KCNMA1: variants seen among roughly 807,000 people sequenced by gnomAD.
KCNMA1 encodes Calcium-activated potassium channel subunit alpha-1.
In KCNMA1, 29 loss-of-function variants were observed where a neutral mutation model predicts 140.0. The ratio of observed to expected loss-of-function variants is 0.21; its 90% confidence interval spans 0.15 to 0.28. The LOEUF (loss-of-function observed/expected upper bound fraction) is 0.28, where lower values mean the gene tolerates loss of function less well. Among genes scored for constraint, KCNMA1 ranks in the 10% least tolerant of loss-of-function variants. The pLI, the probability that KCNMA1 is intolerant of heterozygous loss-of-function variation, is 1.00. For missense variants in KCNMA1, 880 were observed against 1,602.2 expected, an observed-to-expected ratio of 0.55 and a Z score of 7.70; for synonymous variants, 612 against 611.9, an observed-to-expected ratio of 1.00 and a Z score of 0.00.
At chr10:77,608,566 C>T (rs574929081) in intron 1 of KCNMA1, among the ~76,000 whole-genome samples, 3 of 152,230 alleles carry the variant, frequency 2.0e-5, no homozygotes, top group Admixed American at 6.5e-5. Context: ...TCCATAGTCT[C>T]TCATCACACT....
intron 25 of KCNMA1, among the ~76,000 whole-genome samples, chr10:76,897,310 A>G (rs1003023525): frequency 6.6e-6 from 1 of 151,692 alleles, no homozygotes; most frequent in Non-Finnish European, 1.5e-5. Context: ...CAGCAAGTTA[A>G]TGTGGCCAAC....
intron 6 of KCNMA1, among the ~76,000 whole-genome samples, chr10:77,116,766 A>G (rs2097481866): frequency 6.6e-6 from 1 of 152,112 alleles, no homozygotes; most frequent in Non-Finnish European, 1.5e-5. Flanking sequence ...TCCCTGGACT[A>G]CTGCCTCCTA....
chr10:76,977,570 T>C (rs942670373), intron 19 of KCNMA1: 9 of 702,846 alleles, frequency 1.3e-5, no homozygotes, highest in African/African-American at 1.2e-4. Flanking sequence ...TGCTGACCCC[T>C]GCAGTAGTTT....
At chr10:77,366,573 A>G (rs2094378906) in intron 2 of KCNMA1, among the ~76,000 whole-genome samples, 1 of 152,204 alleles carries the variant, frequency 6.6e-6, no homozygotes, top group Admixed American at 6.5e-5. Flanking sequence ...TGATGATGGT[A>G]TGAGGGTGGT....
At chr10:77,599,265 G>C (rs1363975348) in intron 1 of KCNMA1, among the ~76,000 whole-genome samples, 3 of 152,198 alleles carry the variant, frequency 2.0e-5, no homozygotes, top group Non-Finnish European at 4.4e-5. Flanking sequence ...ATTATTTGCT[G>C]TTGGTCTATC....
At chr10:77,000,336 C>A (rs565187506) in intron 19 of KCNMA1, among the ~76,000 whole-genome samples, 1 of 152,212 alleles carries the variant, frequency 6.6e-6, no homozygotes, top group African/African-American at 2.4e-5. Context: ...GAACCACAGC[C>A]TTTTCTGCAC....
chr10:76,913,684 T>C (rs910592350), intron 24 of KCNMA1: 3 of 192,338 alleles, frequency 1.6e-5, no homozygotes, highest in African/African-American at 4.6e-5. Context: ...TGAAGACATG[T>C]CATTCAAACT....
intron 19 of KCNMA1, among the ~76,000 whole-genome samples, chr10:76,991,493 C>T (rs1048412307): frequency 6.6e-6 from 1 of 152,092 alleles, no homozygotes; most frequent in Non-Finnish European, 1.5e-5. Flanking sequence ...TCTTGTACAT[C>T]CCAGTTTTTT....
intron 3 of KCNMA1, among the ~76,000 whole-genome samples, chr10:77,188,826 C>T (rs1015335750): frequency 6.6e-6 from 1 of 152,036 alleles, no homozygotes; most frequent in African/African-American, 2.4e-5. Context: ...TGAGGGCTAC[C>T]CAGGTTTTTT....
At chr10:77,204,791 G>A (rs990949781) in intron 3 of KCNMA1, among the ~76,000 whole-genome samples, 18 of 152,192 alleles carry the variant, frequency 1.2e-4, no homozygotes, top group Non-Finnish European at 2.1e-4. Context: ...AGCTTTCCCC[G>A]TGAGGTAGTC....
chr10:77,052,027 G>GTGATGATGC (rs1247653816), intron 14 of KCNMA1, among the ~76,000 whole-genome samples: 1 of 152,188 alleles, frequency 6.6e-6, no homozygotes, highest in Non-Finnish European at 1.5e-5. Flanking sequence ...GATAGTGATA[G>GTGATGATGC]TGATGATGCT....
intron 2 of KCNMA1, among the ~76,000 whole-genome samples, chr10:77,317,470 T>C (rs2081183928): frequency 6.6e-6 from 1 of 152,228 alleles, no homozygotes; most frequent in Admixed American, 6.5e-5. Context: ...AGTGTTATGC[T>C]CAGATGAGTA....
intron 26 of KCNMA1, among the ~76,000 whole-genome samples, chr10:76,890,810 C>T (rs1019036851): frequency 1.3e-5 from 2 of 152,164 alleles, no homozygotes; most frequent in Admixed American, 1.3e-4. Flanking sequence ...AGAAGGGAGA[C>T]GCTGGCCACT....
At chr10:77,034,859 A>C (rs2094206809) in intron 15 of KCNMA1, among the ~76,000 whole-genome samples, 1 of 152,178 alleles carries the variant, frequency 6.6e-6, no homozygotes, top group African/African-American at 2.4e-5. Flanking sequence ...ACCTGATACA[A>C]TTAAGCTTTT....
chr10:77,481,312 A>C (rs544727643), intron 1 of KCNMA1, among the ~76,000 whole-genome samples: 1 of 152,184 alleles, frequency 6.6e-6, no homozygotes, highest in South Asian at 2.1e-4. Context: ...TGAACAAATA[A>C]ATTTGTTGAT....
chr10:77,400,584 G>A (rs2096230554), intron 2 of KCNMA1, among the ~76,000 whole-genome samples: 1 of 152,230 alleles, frequency 6.6e-6, no homozygotes, highest in Non-Finnish European at 1.5e-5. Flanking sequence ...CTGGGAGACA[G>A]GGAGCTGGCA....
At chr10:76,926,368 G>C (rs1201656285) in intron 23 of KCNMA1, among the ~76,000 whole-genome samples, 2 of 152,194 alleles carry the variant, frequency 1.3e-5, no homozygotes, top group Non-Finnish European at 2.9e-5. Context: ...CAAATTGGAA[G>C]AGGAAGATGT....
intron 15 of KCNMA1, among the ~76,000 whole-genome samples, chr10:77,029,979 A>C (rs2093798321): frequency 6.6e-6 from 1 of 152,188 alleles, no homozygotes; most frequent in African/African-American, 2.4e-5. Flanking sequence ...TAAAAGAGAA[A>C]AGTGACATAA....
At chr10:77,079,459 G>A (rs200693200) in intron 13 of KCNMA1, 22 bp downstream of exon 13, 11 of 1,550,504 alleles carry the variant, frequency 7.1e-6, no homozygotes, top group South Asian at 1.1e-5. Flanking sequence ...TTCAGACCTG[G>A]AGCGGGCTCT....
Sources: allele counts gnomAD v4.1 joint callset (sites outside exome capture counted in the v4.1 genomes callset), GRCh38; gene constraint gnomAD v4.1.1; transcripts MANE v1.5; gene names NCBI Gene and HGNC (gene_info 2026-07-23, HGNC 2026-07-21).